The following PTPRD variants were observed in gnomAD, a reference collection of about 807,000 sequenced individuals.
PTPRD encodes protein tyrosine phosphatase receptor type D.
PTPRD carries 34 observed loss-of-function variants against 214.5 expected under a neutral mutation model. The ratio of observed to expected loss-of-function variants is 0.16; its 90% CI spans 0.12 to 0.21. The LOEUF is 0.21. Among genes scored for constraint, PTPRD ranks in the 10% least tolerant of loss-of-function variants. The pLI, the probability that PTPRD is intolerant of heterozygous loss-of-function variation, is 1.00. For missense variants in PTPRD, 2,545 were observed against 2,398.7 expected (o/e 1.06, Z -1.27); for synonymous variants, 1,128 against 845.7 (o/e 1.33, Z -5.79).
chr9:8,409,041 T>C (rs891272874), intron 35 of PTPRD, among the ~76,000 whole-genome samples: 2 of 152,196 alleles, frequency 1.3e-5, no homozygotes, highest in Admixed American at 1.3e-4. Flanking sequence ...AAATAAGCTA[T>C]AGCAGATGGA....
intron 30 of PTPRD, among the ~76,000 whole-genome samples, chr9:8,482,794 C>G (rs1047586746): frequency 6.6e-6 from 1 of 152,142 alleles, no homozygotes; most frequent in Non-Finnish European, 1.5e-5. Context: ...GGGATCCAGC[C>G]GTATGGCACC....
chr9:9,422,510 A>C (rs1370334875), intron 8 of PTPRD, among the ~76,000 whole-genome samples: 1 of 152,168 alleles, frequency 6.6e-6, no homozygotes, highest in Admixed American at 6.6e-5. Context: ...GGATGTTAGG[A>C]CAAAGATCCC....
chr9:9,890,224 GT>G (rs1267602987), intron 5 of PTPRD, among the ~76,000 whole-genome samples: 1 of 151,780 alleles, frequency 6.6e-6, no homozygotes, highest in Non-Finnish European at 1.5e-5. Context: ...TTGAGACAGG[GT>G]CTTACTCTGT....
chr9:8,960,867 G>C (rs955324830), intron 11 of PTPRD, among the ~76,000 whole-genome samples: 4 of 152,070 alleles, frequency 2.6e-5, no homozygotes, highest in Admixed American at 2.6e-4. Flanking sequence ...TAATGGATAA[G>C]AAAGCACTTA....
chr9:8,917,355 C>T (rs1352958904), intron 11 of PTPRD, among the ~76,000 whole-genome samples: 11 of 150,178 alleles, frequency 7.3e-5, no homozygotes, highest in African/African-American at 2.7e-4. Flanking sequence ...CCAGGCTGGT[C>T]TCCAACTCCT....
At chr9:9,561,175 C>T (rs897573694) in intron 8 of PTPRD, among the ~76,000 whole-genome samples, 2 of 152,132 alleles carry the variant, frequency 1.3e-5, no homozygotes, top group Non-Finnish European at 2.9e-5. Flanking sequence ...GAGTTATACG[C>T]CTGCGCTCTA....
chr9:9,518,396 G>T (rs2096886844), intron 8 of PTPRD, among the ~76,000 whole-genome samples: 2 of 151,962 alleles, frequency 1.3e-5, no homozygotes, highest in Non-Finnish European at 2.9e-5. Context: ...TTTGTTAGGT[G>T]GATATAATGT....
At chr9:9,909,784 T>A (rs1314826329) in intron 5 of PTPRD, among the ~76,000 whole-genome samples, 3 of 151,834 alleles carry the variant, frequency 2.0e-5, no homozygotes, top group Admixed American at 6.6e-5. Flanking sequence ...GAATGTTTTT[T>A]TTTGTCATGA....
chr9:9,600,636 G>T (rs903531827), intron 7 of PTPRD, among the ~76,000 whole-genome samples: 4 of 152,034 alleles, frequency 2.6e-5, no homozygotes, highest in Non-Finnish European at 5.9e-5. Context: ...ACATGGAGCT[G>T]GCATCAACTG....
intron 11 of PTPRD, among the ~76,000 whole-genome samples, chr9:8,810,479 A>C (rs1462743351): frequency 6.6e-6 from 1 of 152,176 alleles, no homozygotes; most frequent in Non-Finnish European, 1.5e-5. Context: ...CTGCATGGGC[A>C]TTAGGATGTC....
intron 8 of PTPRD, among the ~76,000 whole-genome samples, chr9:9,412,368 A>G (rs1197912751): frequency 6.6e-6 from 1 of 152,144 alleles, no homozygotes; most frequent in East Asian, 1.9e-4. Flanking sequence ...CTATGTATGT[A>G]GCTTCCTGTC....
rs1260183125 is a variant in PTPRD at position 10,039,971 on chromosome 9, C to A, written c.-544-6181G>T. ...TATTCAGAAGCTTAAATGCCATTCT[C>A]CTAAATTGCCTTTAGTTCAAGGGCA... is the stretch of plus-strand genomic sequence containing the variant. On this transcript the variant is annotated intron_variant, in intron 3 of 45. Coordinates refer to ENST00000381196, the MANE Select transcript of PTPRD (RefSeq NM_002839.4). Among the ~76,000 whole-genome samples the A allele has an allele frequency of 2.0e-5, 3 of 152,132 alleles. No individual in the cohort carries two copies. In the East Asian group the frequency reaches 5.8e-4, roughly 29 times the overall value.
At position 9,779,078 on chromosome 9, in the gene PTPRD, C is replaced by CCAAAAAAAAAAAAAAAAAAAAAAAAA. The variant is rs1282567404; in HGVS notation, c.-367-12228_-367-12227insTTTTTTTTTTTTTTTTTTTTTTTTTG. ...GCCATGTGATCTTTCATAAGACTGACAAAAAAAAAAAAAAAAAAAAAAAAA... is the reference window on the plus strand; with the variant it reads ...GCCATGTGATCTTTCATAAGACTGACCAAAAAAAAAAAAAAAAAAAAAAAAAAAAAAAAAAAAAAAAAAAAAAAAAA... On this transcript the variant is annotated intron_variant, in intron 5 of 45. Coordinates refer to ENST00000381196, the MANE Select transcript of PTPRD (RefSeq NM_002839.4). Among the ~76,000 whole-genome samples the CCAAAAAAAAAAAAAAAAAAAAAAAAA allele has an allele frequency of 4.4e-5, 2 of 45,456 alleles. 1 individual carries two copies. The allele number at this position is 45,456 out of a possible 152,430, so 29.8% of individuals were successfully genotyped here. A position where few individuals can be genotyped will look rare whatever the true frequency, so the allele number is the denominator to read the frequency against.
intron 11 of PTPRD, among the ~76,000 whole-genome samples, chr9:8,952,297 G>T (rs2099106380): frequency 6.6e-6 from 1 of 151,790 alleles, no homozygotes; most frequent in South Asian, 2.1e-4. Flanking sequence ...ATGGACCTTG[G>T]AACACACAGA....
intron 39 of PTPRD, among the ~76,000 whole-genome samples, chr9:8,361,780 G>C (rs559724806): frequency 6.6e-6 from 1 of 151,906 alleles, no homozygotes; most frequent in South Asian, 2.1e-4. Context: ...GGGTATGTTT[G>C]AAAATGACCA....
intron 10 of PTPRD, among the ~76,000 whole-genome samples, chr9:9,125,977 T>C (rs770492587): frequency 1.1e-4 from 17 of 152,076 alleles, no homozygotes; most frequent in Non-Finnish European, 1.9e-4. Flanking sequence ...TGTGTTAAGA[T>C]GAGTAAGAGC....
intron 9 of PTPRD, among the ~76,000 whole-genome samples, chr9:9,243,674 G>A (rs915778857): frequency 3.5e-4 from 54 of 152,238 alleles, no homozygotes; most frequent in African/African-American, 1.2e-3. Context: ...CAAACCCACA[G>A]CCAATATCAT....
chr9:9,414,655 T>C (rs1044243738), intron 8 of PTPRD: 3 of 152,152 alleles, frequency 2.0e-5, no homozygotes, highest in African/African-American at 7.2e-5. Flanking sequence ...TCATATCAAA[T>C]TACATGGAAG....
intron 2 of PTPRD, among the ~76,000 whole-genome samples, chr9:10,417,614 T>C (rs751035678): frequency 1.3e-5 from 2 of 151,734 alleles, no homozygotes; most frequent in African/African-American, 2.4e-5. Context: ...AATAATAACA[T>C]ATATAAATAA....
Sources: allele counts gnomAD v4.1 joint callset (sites outside exome capture counted in the v4.1 genomes callset), GRCh38; gene constraint gnomAD v4.1.1; transcripts MANE v1.5; gene names NCBI Gene and HGNC (gene_info 2026-07-23, HGNC 2026-07-21).